TAS2R1: variants seen among roughly 807,000 people sequenced by gnomAD.
TAS2R1 encodes taste 2 receptor member 1, also known as taste receptor type 2 member 1.
For synonymous variants in TAS2R1, 141 were observed against 134.2 expected (o/e 1.05, Z -0.35); for missense variants, 370 against 353.4 (o/e 1.05, Z -0.38).
the TAS2R1 span, among the ~76,000 whole-genome samples, chr5:9,895,992 A>C: frequency 6.6e-6 from 1 of 152,232 alleles, no homozygotes; most frequent in Non-Finnish European, 1.5e-5. Flanking sequence ...GTGGCCTCTA[A>C]AATTTCTATG....
At chr5:9,854,442 T>C in the TAS2R1 span, 1 of 152,122 alleles carries the variant, frequency 6.6e-6, no homozygotes, top group Non-Finnish European at 1.5e-5. Context: ...CAACACGTAA[T>C]ATTCCCTAAC....
chr5:9,852,950 T>C, the TAS2R1 span, among the ~76,000 whole-genome samples: 2 of 152,204 alleles, frequency 1.3e-5, no homozygotes, highest in Admixed American at 1.3e-4. Context: ...GTTTTCTAGC[T>C]GAGCTAGTTA....
chr5:9,646,399 T>C (rs1740190556), intron 2 of TAS2R1, among the ~76,000 whole-genome samples: 1 of 152,184 alleles, frequency 6.6e-6, no homozygotes, highest in African/African-American at 2.4e-5. Flanking sequence ...GTTCAAAAGA[T>C]GCATGGTCAA....
the TAS2R1 span, among the ~76,000 whole-genome samples, chr5:9,812,143 A>AC: frequency 6.6e-6 from 1 of 151,398 alleles, no homozygotes; most frequent in East Asian, 1.9e-4. Context: ...ATTGTCCTTC[A>AC]CCCCCCTGCC....
At chr5:9,738,340 T>C in the TAS2R1 span, among the ~76,000 whole-genome samples, 1 of 151,804 alleles carries the variant, frequency 6.6e-6, no homozygotes, top group Admixed American at 6.6e-5. Context: ...CTGTGAGAGG[T>C]AAAATTTGGA....
At chr5:9,690,191 G>A (rs566281670) in intron 1 of TAS2R1, among the ~76,000 whole-genome samples, 212 of 152,226 alleles carry the variant, frequency 1.4e-3, no homozygotes, top group Non-Finnish European at 2.5e-3. Context: ...TATTAAAAGC[G>A]TTCTTGTAAT....
the TAS2R1 span, among the ~76,000 whole-genome samples, chr5:9,801,861 A>T: frequency 6.6e-6 from 1 of 152,084 alleles, no homozygotes; most frequent in Non-Finnish European, 1.5e-5. Context: ...CCCATCCCCC[A>T]CAGCAGCCAC....
At chr5:9,815,897 C>A in the TAS2R1 span, among the ~76,000 whole-genome samples, 1 of 152,136 alleles carries the variant, frequency 6.6e-6, no homozygotes, top group Non-Finnish European at 1.5e-5. Flanking sequence ...GAAGTGGTCA[C>A]CCTCTTAGGG....
At chr5:9,823,582 G>A in the TAS2R1 span, among the ~76,000 whole-genome samples, 3 of 133,940 alleles carry the variant, frequency 2.2e-5, no homozygotes, top group African/African-American at 8.5e-5. Context: ...AAAGAGGAAG[G>A]GAAAAAGGAG....
At chr5:9,743,596 C>T in the TAS2R1 span, among the ~76,000 whole-genome samples, 1 of 152,166 alleles carries the variant, frequency 6.6e-6, no homozygotes, top group Non-Finnish European at 1.5e-5. Flanking sequence ...TAATTAGTGT[C>T]ATTACCAGTA....
At chr5:9,747,812 C>CTTT in the TAS2R1 span, among the ~76,000 whole-genome samples, 7 of 146,198 alleles carry the variant, frequency 4.8e-5, no homozygotes, top group African/African-American at 1.3e-4. Context: ...AGATTTGTAA[C>CTTT]TTTTTTTTTT....
intron 1 of TAS2R1, among the ~76,000 whole-genome samples, chr5:9,700,075 G>GAAAA (rs1287244754): frequency 6.6e-6 from 1 of 152,100 alleles, no homozygotes; most frequent in African/African-American, 2.4e-5. Context: ...GCCAATGTGT[G>GAAAA]AAAAACAGAA....
the TAS2R1 span, among the ~76,000 whole-genome samples, chr5:9,724,680 G>A: frequency 6.6e-6 from 1 of 152,172 alleles, no homozygotes; most frequent in Admixed American, 6.5e-5. Context: ...GCACAGGAAT[G>A]ACTTCATTTC....
At chr5:9,741,851 G>C in the TAS2R1 span, among the ~76,000 whole-genome samples, 1 of 152,058 alleles carries the variant, frequency 6.6e-6, no homozygotes, top group Non-Finnish European at 1.5e-5. Flanking sequence ...TATTCATAAG[G>C]CTTTCTCCCC....
At chr5:9,641,286 C>G (rs1195739314) in intron 2 of TAS2R1, 1 of 152,160 alleles carries the variant, frequency 6.6e-6, no homozygotes, top group Non-Finnish European at 1.5e-5. Context: ...TTTGTTTTAA[C>G]TAGCTTGGGG....
chr5:9,813,156 A>AT, the TAS2R1 span, among the ~76,000 whole-genome samples: 3 of 152,212 alleles, frequency 2.0e-5, no homozygotes, highest in African/African-American at 7.2e-5. Context: ...GGACACAGAG[A>AT]TACCCATAGA....
chr5:9,834,513 C>T, the TAS2R1 span, among the ~76,000 whole-genome samples: 9,149 of 152,042 alleles, frequency 0.06, 653 homozygotes, highest in East Asian at 0.23. Flanking sequence ...GAGTTATTTA[C>T]GCTAATGTGT....
At chr5:9,794,867 A>G in the TAS2R1 span, among the ~76,000 whole-genome samples, 1 of 152,200 alleles carries the variant, frequency 6.6e-6, no homozygotes, top group Admixed American at 6.5e-5. Flanking sequence ...TAGAATGTCA[A>G]ACTTGAATCC....
rs75568823 is a variant in TAS2R1, at chr5:9,696,069, T to A, written c.-242+16103A>T. On this transcript the variant is annotated intron_variant, in intron 1 of 2. Transcript: ENST00000506620. ...CCTGTTTGGAAAGTTTCAGATTGTATAACAAAGCCAGAGGGAGAGTAAAAC... is the reference window on the plus strand; with the variant it reads ...CCTGTTTGGAAAGTTTCAGATTGTAAAACAAAGCCAGAGGGAGAGTAAAAC... 9.8e-3 allele frequency among the ~76,000 whole-genome samples: 1,485 copies of A among 152,152 alleles called. 11 individuals carry two copies. Among genetic ancestry groups the A allele is most frequent in the Non-Finnish European group, 0.015 (1,053 of 68,000 alleles).
Sources: gnomAD v4.1 joint callset for allele counts (sites outside exome capture counted in the v4.1 genomes callset) on GRCh38, gnomAD v4.1.1 for gene constraint, MANE v1.5 for transcripts, NCBI Gene and HGNC (gene_info 2026-07-23, HGNC 2026-07-21) for gene names.